CDK19: variants seen among roughly 807,000 people sequenced by gnomAD.
The protein encoded by CDK19 is cyclin-dependent kinase 19.
Under a neutral mutation model 68.3 loss-of-function variants are expected in CDK19, and 20 were observed. The ratio of observed to expected loss-of-function variants is 0.29; its 90% CI spans 0.21 to 0.43. The LOEUF is 0.43. Among genes scored for constraint, CDK19 ranks in the 20% least tolerant of loss-of-function variants. The pLI, the probability that CDK19 is intolerant of heterozygous loss-of-function variation, is 1.00. For synonymous variants in CDK19, 221 were observed against 222.8 expected, an observed-to-expected ratio of 0.99 and a Z score of 0.07; for missense variants, 339 against 623.5, an observed-to-expected ratio of 0.54 and a Z score of 4.86.
intron 1 of CDK19, among the ~76,000 whole-genome samples, chr6:110,780,513 C>T (rs1387381843): frequency 6.6e-6 from 1 of 151,334 alleles, no homozygotes; most frequent in South Asian, 2.1e-4. Flanking sequence ...TATTTTAAGA[C>T]GGTAATACTT....
chr6:110,626,144 G>C (rs1779074947), intron 8 of CDK19, among the ~76,000 whole-genome samples: 2 of 152,112 alleles, frequency 1.3e-5, no homozygotes, highest in Non-Finnish European at 2.9e-5. Context: ...CTAGAACTGA[G>C]AACTTTATTC....
At position 110,664,109 on chromosome 6, in the gene CDK19, T is replaced by C. The variant is rs183930464; in HGVS notation, c.456+3325A>G. 2.9e-4 allele frequency among the ~76,000 whole-genome samples: 44 copies of C among 152,308 alleles called. 1 individual carries two copies. Among genetic ancestry groups the C allele is most frequent in the Admixed American group, 2.4e-3 (37 of 15,300 alleles). On this transcript the variant is annotated intron_variant, in intron 4 of 12. Coordinates refer to ENST00000368911, the MANE Select transcript of CDK19 (RefSeq NM_015076.5). ...CTCTAGTAGGCTCCAACCCATATCT[T>C]CTGAGCATGACCTCACATTACTGCA...
intron 2 of CDK19, among the ~76,000 whole-genome samples, chr6:110,680,476 A>G (rs1441957417): frequency 6.6e-6 from 1 of 152,228 alleles, no homozygotes; most frequent in African/African-American, 2.4e-5. Flanking sequence ...ACATCACACA[A>G]GAGTGTATTC....
intron 2 of CDK19, among the ~76,000 whole-genome samples, chr6:110,723,948 T>C (rs1364939296): frequency 6.6e-6 from 1 of 151,758 alleles, no homozygotes. Context: ...ATCTTTTATA[T>C]GTGGTCTACA....
chr6:110,660,195 C>T (rs961061484), intron 4 of CDK19, among the ~76,000 whole-genome samples: 1 of 152,140 alleles, frequency 6.6e-6, no homozygotes, highest in African/African-American at 2.4e-5. Flanking sequence ...CTGACCCCTT[C>T]GCAGGCTGGA....
At chr6:110,806,973 G>A (rs1031152446) in intron 1 of CDK19, among the ~76,000 whole-genome samples, 9 of 150,264 alleles carry the variant, frequency 6.0e-5, no homozygotes, top group African/African-American at 9.8e-5. Flanking sequence ...GAAAGACTCC[G>A]TCTCAATAAA....
intron 12 of CDK19, among the ~76,000 whole-genome samples, chr6:110,617,096 CTT>C (rs1223984841): frequency 1.3e-5 from 2 of 152,158 alleles, no homozygotes; most frequent in Non-Finnish European, 2.9e-5. Context: ...TTTGTGCCCT[CTT>C]GTCTCACAGT....
chr6:110,625,361 A>G (rs1779022768), intron 8 of CDK19, among the ~76,000 whole-genome samples: 1 of 151,964 alleles, frequency 6.6e-6, no homozygotes, highest in Non-Finnish European at 1.5e-5. Flanking sequence ...GGGTCTAACT[A>G]TGTTGCCCAG....
chr6:110,724,891 C>A (rs1406553493), intron 2 of CDK19, among the ~76,000 whole-genome samples: 1 of 151,958 alleles, frequency 6.6e-6, no homozygotes, highest in Admixed American at 6.6e-5. Context: ...CAAAATTACT[C>A]AGAATTCTAA....
At chr6:110,675,814 T>C (rs1340494041) in intron 2 of CDK19, among the ~76,000 whole-genome samples, 1 of 152,180 alleles carries the variant, frequency 6.6e-6, no homozygotes, top group Non-Finnish European at 1.5e-5. Context: ...TCATTAACAA[T>C]GCACCTGGTC....
chr6:110,671,263 C>T (rs1160952194), intron 2 of CDK19, among the ~76,000 whole-genome samples: 2 of 152,100 alleles, frequency 1.3e-5, no homozygotes, highest in Non-Finnish European at 1.5e-5. Flanking sequence ...GCACTTTGCG[C>T]ATAACAGACA....
At chr6:110,654,194 G>GA (rs1781155018) in intron 4 of CDK19, among the ~76,000 whole-genome samples, 2 of 152,050 alleles carry the variant, frequency 1.3e-5, no homozygotes, top group Admixed American at 6.5e-5. Flanking sequence ...ACATTCCCAG[G>GA]AAAAAACCCT....
chr6:110,732,925 G>C (rs572543546), intron 2 of CDK19, among the ~76,000 whole-genome samples: 62 of 152,200 alleles, frequency 4.1e-4, no homozygotes, highest in Admixed American at 1.6e-3. Flanking sequence ...AAATTAGCCA[G>C]GTGTGGTGGT....
intron 1 of CDK19, among the ~76,000 whole-genome samples, chr6:110,802,157 T>C (rs1318566605): frequency 1.3e-5 from 2 of 152,156 alleles, no homozygotes; most frequent in East Asian, 3.8e-4. Context: ...GAATTACCAT[T>C]TGACCCAGCA....
At chr6:110,687,770 T>C (rs1328409593) in intron 2 of CDK19, among the ~76,000 whole-genome samples, 1 of 152,184 alleles carries the variant, frequency 6.6e-6, no homozygotes, top group African/African-American at 2.4e-5. Flanking sequence ...TGTTAAACAA[T>C]GACTAGAAAA....
At chr6:110,713,565 A>G (rs554587718) in intron 2 of CDK19, among the ~76,000 whole-genome samples, 49 of 151,210 alleles carry the variant, frequency 3.2e-4, no homozygotes, top group African/African-American at 1.1e-3. Context: ...CCCAGCTAAT[A>G]TTTTCATTTT....
intron 1 of CDK19, among the ~76,000 whole-genome samples, chr6:110,808,437 A>T (rs1212701774): frequency 6.6e-6 from 1 of 152,222 alleles, no homozygotes; most frequent in African/African-American, 2.4e-5. Flanking sequence ...ATCCTTATCC[A>T]TACTGGTTTA....
At chr6:110,666,526 A>C (rs1236230119) in intron 4 of CDK19, among the ~76,000 whole-genome samples, 1 of 151,812 alleles carries the variant, frequency 6.6e-6, no homozygotes, top group East Asian at 1.9e-4. Flanking sequence ...ACCCCAATTT[A>C]TACAATATCA....
chr6:110,804,970 A>C (rs1202784783), intron 1 of CDK19, among the ~76,000 whole-genome samples: 1 of 151,960 alleles, frequency 6.6e-6, no homozygotes, highest in African/African-American at 2.4e-5. Context: ...CAAAAAAAAA[A>C]AGACACCTGT....
Sources: gnomAD v4.1 joint callset for allele counts (sites outside exome capture counted in the v4.1 genomes callset) on GRCh38, gnomAD v4.1.1 for gene constraint, MANE v1.5 for transcripts, NCBI Gene and HGNC (gene_info 2026-07-23, HGNC 2026-07-21) for gene names.